Variants in CPSF4 observed in about 807,000 individuals in gnomAD.
The protein encoded by CPSF4 is cleavage and polyadenylation specific factor 4.
In CPSF4, 11 loss-of-function variants were observed where a neutral mutation model predicts 37.7. That is an observed-to-expected ratio of 0.29 (90% CI 0.18 to 0.48). CPSF4 has a LOEUF of 0.48. Among genes scored for constraint, CPSF4 ranks in the 20% least tolerant of loss-of-function variants. The pLI, the probability that CPSF4 is intolerant of heterozygous loss-of-function variation, is 0.99. For missense variants in CPSF4, 144 were observed against 359.5 expected (o/e 0.40, Z 4.85); for synonymous variants, 132 against 135.9 (o/e 0.97, Z 0.20).
Position 99,450,692 on chromosome 7 carries a change from G to T in CPSF4, c.404-10G>T, listed in dbSNP as rs1427771004. On this transcript the variant is annotated splice_polypyrimidine_tract_variant and intron_variant, in intron 4 of 7. Transcript: ENST00000292476. ...GGGACATCTAAGTGACCGGACACTT[G>T]GCTCTGCAGGTCCCCTCTGCAGGCA... 1 of 1,607,186 alleles carries T rather than the reference G, an allele frequency of 6.2e-7. No homozygotes were observed. The highest frequency in any genetic ancestry group is 8.5e-7 in the Non-Finnish European group (1 of 1,173,750).
Position 99,457,311 on chromosome 7 carries a change from G to A in CPSF4, c.*811G>A, listed in dbSNP as rs1176009035. On this transcript the variant is annotated 3_prime_UTR_variant, in exon 8 of 8. Transcript: ENST00000292476. ...GTCTCCTGCAACCTGCTGGGCATGT[G>A]GGCCTGGCTGTGTTCAATTGCAAGA... 6.5e-6 allele frequency: 1 copy of A among 152,844 alleles called. No homozygotes were observed. The highest frequency in any genetic ancestry group is 1.5e-5 in the Non-Finnish European group (1 of 68,234). The allele number at this position is 152,844 out of a possible 1,614,324, so 9.5% of individuals were successfully genotyped here.
chr7:99,445,264 G>T (rs961814849), intron 2 of CPSF4, among the ~76,000 whole-genome samples: 1 of 152,008 alleles, frequency 6.6e-6, no homozygotes, highest in Non-Finnish European at 1.5e-5. Context: ...CCCATCTTGC[G>T]GGGTCTTGTT....
chr7:99,439,988 C>T (rs1796745910), intron 1 of CPSF4, among the ~76,000 whole-genome samples: 1 of 152,168 alleles, frequency 6.6e-6, no homozygotes, highest in Non-Finnish European at 1.5e-5. Context: ...TGGCTCCTGG[C>T]TTCCCACCTC....
In CPSF4 at chr7:99,439,060, C is replaced by T. The variant is rs1159219493; in HGVS notation, c.-23C>T. On this transcript the variant is annotated 5_prime_UTR_variant, in exon 1 of 8. Transcript: ENST00000292476. ...TGCAGGAGACCGAGGGGGAGCCGGG[C>T]CGGTGGGGCCGCCGCCGCCGCCATG... 11 of 1,595,494 alleles carry T rather than the reference C, an allele frequency of 6.9e-6. No homozygotes were observed. In the East Asian group the frequency reaches 2.5e-4, roughly 36 times the overall value.
chr7:99,441,779 G>T (rs893081842), intron 1 of CPSF4, among the ~76,000 whole-genome samples: 1 of 151,920 alleles, frequency 6.6e-6, no homozygotes, highest in African/African-American at 2.4e-5. Flanking sequence ...TGCAACCTCT[G>T]CCTCTGGGTT....
chr7:99,444,867 CCTCCGGAGGCGCCCTCCCACCTCCTT>C (rs1330929955), intron 2 of CPSF4, 28 bp downstream of exon 2: 5 of 1,607,738 alleles, frequency 3.1e-6, no homozygotes, highest in African/African-American at 1.3e-5. Flanking sequence ...CCCTGATGTG[CCTCCGGAGGCGCCCTCCCACCTCCTT>C]CTCCCCGGCA....
chr7:99,440,674 A>ATATATATT lies in CPSF4; in HGVS notation c.103+1490_103+1491insATATATTT. On this transcript the variant is annotated intron_variant, in intron 1 of 7. Transcript: ENST00000292476. ...ACCTGGCATATATATATATATATAT[A>ATATATATT]TTTTTTTTTTTTTTTTTTTCCTGCC... Among the ~76,000 whole-genome samples, 36 of 88,086 alleles carry ATATATATT rather than the reference A, an allele frequency of 4.1e-4. 2 individuals are homozygous for ATATATATT. The highest frequency in any genetic ancestry group is 3.4e-3 in the African/African-American group (35 of 10,310). 57.8% of individuals were successfully genotyped at this position (88,086 alleles called of 152,430 possible).
rs963719479 is a variant in CPSF4, at chr7:99,454,337, G to A, written c.741+201G>A. 4.6e-5 allele frequency among the ~76,000 whole-genome samples: 7 copies of A among 152,370 alleles called. No homozygotes were observed. The East Asian group carries it at 1.3e-3, about 29-fold the overall frequency. ...TTCCTACCACACTGCACTGAGGCAC[G>A]GTAAAGGATGGTGAGAACGCCTGCC... On this transcript the variant is annotated intron_variant, in intron 7 of 7. Coordinates refer to ENST00000292476, the MANE Select transcript of CPSF4 (RefSeq NM_006693.4).
In CPSF4 at chr7:99,450,688, A is replaced by G. The variant is rs1304473207; in HGVS notation, c.404-14A>G. On this transcript the variant is annotated splice_polypyrimidine_tract_variant and intron_variant, in intron 4 of 7. Transcript: ENST00000292476. Reference sequence around the variant, plus strand: ...AGAGGGGACATCTAAGTGACCGGACACTTGGCTCTGCAGGTCCCCTCTGCA... The same window carrying G: ...AGAGGGGACATCTAAGTGACCGGACGCTTGGCTCTGCAGGTCCCCTCTGCA... The G allele has an allele frequency of 1.2e-6, 2 of 1,602,762 alleles. No individual in the cohort carries two copies. Among genetic ancestry groups the G allele is most frequent in the East Asian group, 2.2e-5 (1 of 44,770 alleles).
chr7:99,452,230 G>A, intron 5 of CPSF4, 138 bp from the exon 6 acceptor site: 1 of 754,248 alleles, frequency 1.3e-6, no homozygotes, highest in South Asian at 1.6e-5. Context: ...CATGCAGCTT[G>A]TGTCAGTCAC....
intron 2 of CPSF4, chr7:99,447,850 T>G: frequency 1.9e-6 from 1 of 515,882 alleles, no homozygotes; most frequent in Non-Finnish European, 3.8e-6. Flanking sequence ...GACCTTGTGA[T>G]CCGCCCACCT....
Position 99,444,894 on chromosome 7 carries a change from C to G in CPSF4, c.154+55C>G, listed in dbSNP as rs901460226. ...TCCGGAGGCGCCCTCCCACCTCCTT[C>G]TCCCCGGCAGACTTGGAGGCCGCCA... On this transcript the variant is annotated intron_variant, in intron 2 of 7. Coordinates refer to ENST00000292476, the MANE Select transcript of CPSF4 (RefSeq NM_006693.4). The G allele has an allele frequency of 9.3e-6, 14 of 1,507,536 alleles. No individual in the cohort carries two copies. The Admixed American group carries it at 1.0e-4, about 11-fold the overall frequency. 93.4% of individuals were successfully genotyped at this position (1,507,536 alleles called of 1,614,324 possible). A position where few individuals can be genotyped will look rare whatever the true frequency, so the allele number is the denominator to read the frequency against.
intron 1 of CPSF4, among the ~76,000 whole-genome samples, chr7:99,442,568 A>G (rs1420907071): frequency 2.1e-5 from 3 of 142,562 alleles, no homozygotes; most frequent in Non-Finnish European, 4.5e-5. Context: ...AGGCAGGAGA[A>G]TGGTGTGAAC....
chr7:99,443,585 A>G, intron 1 of CPSF4: 2 of 555,700 alleles, frequency 3.6e-6, no homozygotes, highest in South Asian at 3.9e-5. Flanking sequence ...AAGCCAAGGC[A>G]GGCGGATCAC....
In CPSF4 at chr7:99,439,149, C is replaced by T. The variant is rs138663628; in HGVS notation, c.67C>T (p.Leu23=). ...FDLEIAVEQQ[L]GAQPLPFPGM... ...CTTGGAGATCGCGGTGGAGCAGCAG[C>T]TGGGGGCGCAGCCGCTGCCCTTCCC... Residue 23 remains leucine, a synonymous_variant, in exon 1 of 8, where the codon CTG becomes TTG. Transcript: ENST00000292476. 517 of 1,609,136 alleles carry T rather than the reference C, an allele frequency of 3.2e-4. 1 individual carries two copies. Among genetic ancestry groups the T allele is most frequent in the Admixed American group, 6.7e-4 (40 of 59,770 alleles).
chr7:99,439,394 T>C (rs1254969987), intron 1 of CPSF4: 1 of 494,856 alleles, frequency 2.0e-6, no homozygotes, highest in African/African-American at 2.0e-5. Context: ...TCCCCTTTAG[T>C]TACCGAACTC....
In CPSF4 at chr7:99,448,367, T is replaced by C; in HGVS notation, c.307+94T>C. ...TGCCCACACTGTCTCTGCCTGCTTTTCCCATCTTTCTATTCTCAGAGGAGA... is the reference window on the plus strand; with the variant it reads ...TGCCCACACTGTCTCTGCCTGCTTTCCCCATCTTTCTATTCTCAGAGGAGA... On this transcript the variant is annotated intron_variant, in intron 3 of 7. Coordinates refer to ENST00000292476, the MANE Select transcript of CPSF4 (RefSeq NM_006693.4). This position sits in a 1 kb window ranked among gnomAD's most constrained non-coding sequence, Gnocchi z 4.4. 7.3e-7 allele frequency: 1 copy of C among 1,362,814 alleles called. No individual in the cohort carries two copies. Among genetic ancestry groups the C allele is most frequent in the South Asian group, 1.4e-5 (1 of 70,760 alleles). 84.4% of individuals were successfully genotyped at this position (1,362,814 alleles called of 1,614,324 possible).
intron 1 of CPSF4, among the ~76,000 whole-genome samples, chr7:99,440,520 T>G (rs1584478990): frequency 1.3e-5 from 2 of 151,424 alleles, no homozygotes; most frequent in African/African-American, 4.9e-5. Context: ...GGCAAATTTT[T>G]TTGTGTGTAT....
At chr7:99,444,223 G>A (rs900226787) in intron 1 of CPSF4, among the ~76,000 whole-genome samples, 1 of 152,042 alleles carries the variant, frequency 6.6e-6, no homozygotes, top group Non-Finnish European at 1.5e-5. Flanking sequence ...TTGGGAGGCC[G>A]AGGTGGGTGG....
Sources: gnomAD v4.1 joint callset for allele counts (sites outside exome capture counted in the v4.1 genomes callset) on GRCh38, gnomAD v4.1.1 for gene constraint, Gnocchi (gnomAD v3.1) non-coding constraint, MANE v1.5 for transcripts, NCBI Gene and HGNC (gene_info 2026-07-23, HGNC 2026-07-21) for gene names.